The following ALDH1A3 variants were observed in gnomAD, a reference collection of about 807,000 sequenced individuals.
The protein encoded by ALDH1A3 is aldehyde dehydrogenase 1 family member A3.
A neutral mutation model predicts 57.5 loss-of-function variants in ALDH1A3; 28 were observed. The observed-to-expected ratio is 0.49, with a 90% CI of 0.36 to 0.67. The LOEUF (loss-of-function observed/expected upper bound fraction) is 0.67. ALDH1A3 is among the 30% of genes least tolerant of loss of function. The probability of loss-of-function intolerance (pLI) is 0.00; values close to 1 mark genes in which losing one functional copy is unlikely to be tolerated. For synonymous variants in ALDH1A3, 281 were observed against 264.8 expected (o/e 1.06, Z -0.59); for missense variants, 507 against 669.4 (o/e 0.76, Z 2.68).
At chr15:100,899,808 C>T (rs2041747692) in intron 8 of ALDH1A3, among the ~76,000 whole-genome samples, 1 of 152,206 alleles carries the variant, frequency 6.6e-6, no homozygotes, top group Non-Finnish European at 1.5e-5. Context: ...GGCACAGTCC[C>T]TTGGAGCAGC....
intron 8 of ALDH1A3, among the ~76,000 whole-genome samples, chr15:100,898,920 C>T (rs376489388): frequency 5.9e-5 from 9 of 152,220 alleles, no homozygotes; most frequent in East Asian, 5.8e-4. Context: ...TCCCAAGTGC[C>T]TTGAAACACC....
chr15:100,914,647 A>G (rs2041912639), intron 12 of ALDH1A3, 54 bp from the exon 13 acceptor site: 3 of 1,555,420 alleles, frequency 1.9e-6, no homozygotes, highest in Admixed American at 1.7e-5. Flanking sequence ...CAGTTTCTAC[A>G]CAATGGCTAA....
chr15:100,885,988 A>C (rs1028724438), intron 2 of ALDH1A3, among the ~76,000 whole-genome samples: 1 of 152,216 alleles, frequency 6.6e-6, no homozygotes, highest in Non-Finnish European at 1.5e-5. Context: ...AAGGCCATCA[A>C]ATCTATTCTG....
intron 1 of ALDH1A3, 105 bp from the exon 2 acceptor site, chr15:100,885,162 A>T (rs1364031005): frequency 9.0e-6 from 7 of 777,754 alleles, no homozygotes; most frequent in Non-Finnish European, 1.6e-5. Context: ...AGCAGCAGAG[A>T]GGAAGGTGGA....
intron 7 of ALDH1A3, 41 bp from the exon 8 acceptor site, chr15:100,898,042 C>A: frequency 6.3e-7 from 1 of 1,584,188 alleles, no homozygotes; most frequent in Non-Finnish European, 8.7e-7. Context: ...CCAAGTTCAG[C>A]AACATCCAAG....
intron 9 of ALDH1A3, among the ~76,000 whole-genome samples, chr15:100,904,738 G>A (rs932153017): frequency 6.6e-6 from 1 of 152,156 alleles, no homozygotes; most frequent in African/African-American, 2.4e-5. Flanking sequence ...ACAAGCTGTG[G>A]GTCAGGCTGG....
At chr15:100,908,222 A>C (rs77231453) in intron 11 of ALDH1A3, among the ~76,000 whole-genome samples, 186 bp from the exon 12 acceptor site, 4,099 of 152,126 alleles carry the variant, frequency 0.027, 181 homozygotes, top group African/African-American at 0.091. Context: ...AGGATTTCCA[A>C]ATTTTAGTTG....
chr15:100,883,237 G>A (rs931004141), intron 1 of ALDH1A3, among the ~76,000 whole-genome samples: 2 of 152,086 alleles, frequency 1.3e-5, no homozygotes, highest in Non-Finnish European at 2.9e-5. Flanking sequence ...TCTAACCCAC[G>A]AAATTTCATC....
At position 100,905,580 on chromosome 15, in the gene ALDH1A3, G is replaced by A; in HGVS notation, c.1126G>A (p.Gly376Arg). Reference sequence around the variant, plus strand: ...GCTGATCGAGAGTGGGAAGAAGGAAGGGGCCAAGCTGGAATGCGGGGGCTC... The same window carrying A: ...GCTGATCGAGAGTGGGAAGAAGGAAAGGGCCAAGCTGGAATGCGGGGGCTC... ...LELIESGKKE[G>R]AKLECGGSAM... Residue 376 changes from glycine (G) to arginine (R), a missense_variant, in exon 10 of 13, where the codon GGG becomes AGG. Transcript: ENST00000329841. The A allele has an allele frequency of 6.2e-7, 1 of 1,614,148 alleles. No individual in the cohort carries two copies. The highest frequency in any genetic ancestry group is 1.1e-5 in the South Asian group (1 of 91,076).
chr15:100,897,358 G>T (rs764993798), intron 7 of ALDH1A3, among the ~76,000 whole-genome samples: 1 of 151,404 alleles, frequency 6.6e-6, no homozygotes, highest in Non-Finnish European at 1.5e-5. Flanking sequence ...TGAAGTTCGT[G>T]GTGCTGGGCT....
At chr15:100,884,529 C>T (rs1469306199) in intron 1 of ALDH1A3, among the ~76,000 whole-genome samples, 5 of 150,106 alleles carry the variant, frequency 3.3e-5, no homozygotes, top group Non-Finnish European at 7.4e-5. Flanking sequence ...TGTACTTCAA[C>T]GCTGGTTTAT....
chr15:100,884,245 T>C (rs1238348737), intron 1 of ALDH1A3, among the ~76,000 whole-genome samples: 1 of 152,194 alleles, frequency 6.6e-6, no homozygotes, highest in Non-Finnish European at 1.5e-5. Context: ...CTCTTCCTAG[T>C]TTTTTCCAAA....
At chr15:100,899,924 G>A (rs1375668099) in intron 8 of ALDH1A3, among the ~76,000 whole-genome samples, 1 of 152,172 alleles carries the variant, frequency 6.6e-6, no homozygotes, top group African/African-American at 2.4e-5. Context: ...GGGGGTTGGT[G>A]GTGATGAAAC....
intron 10 of ALDH1A3, 117 bp from the exon 11 acceptor site, chr15:100,907,004 C>A: frequency 8.7e-7 from 1 of 1,147,380 alleles, no homozygotes; most frequent in Non-Finnish European, 1.2e-6. Context: ...CATCGTTTTT[C>A]AGGCATGTGT....
At chr15:100,892,196 G>A (rs1259231579) in intron 3 of ALDH1A3, 3 of 323,502 alleles carry the variant, frequency 9.3e-6, no homozygotes, top group Non-Finnish European at 1.7e-5. Context: ...AGATGCCAGT[G>A]TGCGTTCCTT....
chr15:100,908,499 T>C lies in ALDH1A3; in HGVS notation c.1466+17T>C. Reference sequence around the variant, plus strand: ...CAGAGAACTGTAAGTGTTTCCATCATTCTGAGCCTGCCGTGGGCTGAACAC... The same window carrying C: ...CAGAGAACTGTAAGTGTTTCCATCACTCTGAGCCTGCCGTGGGCTGAACAC... On this transcript the variant is annotated intron_variant, in intron 12 of 12. Transcript: ENST00000329841. 1.2e-6 allele frequency: 2 copies of C among 1,601,990 alleles called. No individual in the cohort carries two copies. The highest frequency in any genetic ancestry group is 1.7e-6 in the Non-Finnish European group (2 of 1,169,096).
chr15:100,910,561 A>G (rs1324667226), intron 12 of ALDH1A3, among the ~76,000 whole-genome samples: 2 of 152,228 alleles, frequency 1.3e-5, no homozygotes, highest in Non-Finnish European at 2.9e-5. Flanking sequence ...CTGTTTTCAG[A>G]TGAGAAAATG....
At position 100,892,569 on chromosome 15, in the gene ALDH1A3, G is replaced by C. The variant is rs1437673020; in HGVS notation, c.405G>C (p.Glu135Asp). 1 of 1,613,294 alleles carries C rather than the reference G, an allele frequency of 6.2e-7. No homozygotes were observed. The highest frequency in any genetic ancestry group is 8.5e-7 in the Non-Finnish European group (1 of 1,179,776). The change falls in exon 4 of 13, where the codon GAG (glutamate) becomes GAC (aspartate). Residue 135 changes from glutamate (E) to aspartate (D), a missense_variant. Glu to Asp is a conservative substitution (Grantham distance 45). Transcript: ENST00000329841. Reference sequence around the variant, plus strand: ...TTCATGCTTTTTTCATCGACCTGGAGGGCTGTATTAGAACCCTCAGATACT... The same window carrying C: ...TTCATGCTTTTTTCATCGACCTGGACGGCTGTATTAGAACCCTCAGATACT... ...PFLHAFFIDL[E>D]GCIRTLRYFA...
At chr15:100,909,721 G>A (rs1475284219) in intron 12 of ALDH1A3, among the ~76,000 whole-genome samples, 1 of 152,184 alleles carries the variant, frequency 6.6e-6, no homozygotes, top group Admixed American at 6.5e-5. Flanking sequence ...CCCACACCCA[G>A]AGCTGGCTAG....
Sources: gnomAD v4.1 joint callset for allele counts (sites outside exome capture counted in the v4.1 genomes callset) on GRCh38, gnomAD v4.1.1 for gene constraint, MANE v1.5 for transcripts, NCBI Gene and HGNC (gene_info 2026-07-23, HGNC 2026-07-21) for gene names.